CCDC148: variants seen among roughly 807,000 people sequenced by gnomAD.
CCDC148 encodes the protein coiled-coil domain containing 148.
CCDC148 carries 89 observed loss-of-function variants against 85.7 expected under a neutral mutation model. That is an observed-to-expected ratio of 1.04 (90% CI 0.87 to 1.24). CCDC148 has a LOEUF of 1.24. Ranked by LOEUF, CCDC148 falls within the 50% of genes most tolerant of loss-of-function variation. CCDC148 has a pLI of 0.00. For synonymous variants in CCDC148, 230 were observed against 213.9 expected (o/e 1.08, Z -0.66); for missense variants, 692 against 671.7 (o/e 1.03, Z -0.33).
intron 7 of CCDC148, among the ~76,000 whole-genome samples, chr2:158,322,216 G>C (rs1426103961): frequency 1.3e-5 from 2 of 152,056 alleles, no homozygotes; most frequent in African/African-American, 4.8e-5. Context: ...TCTATTCCAA[G>C]TTTTTAAAAC....
chr2:158,219,118 T>G (rs1687039253), intron 11 of CCDC148, among the ~76,000 whole-genome samples: 1 of 152,196 alleles, frequency 6.6e-6, no homozygotes, highest in African/African-American at 2.4e-5. Context: ...CAAAATAGGC[T>G]TTATTTATTA....
intron 9 of CCDC148, among the ~76,000 whole-genome samples, chr2:158,262,977 C>A (rs964784497): frequency 3.9e-5 from 6 of 152,062 alleles, no homozygotes; most frequent in African/African-American, 1.4e-4. Context: ...CATGTCACTA[C>A]GTGATTACGT....
At chr2:158,308,920 A>G (rs1691828305) in intron 9 of CCDC148, among the ~76,000 whole-genome samples, 2 of 152,178 alleles carry the variant, frequency 1.3e-5, no homozygotes, top group Non-Finnish European at 2.9e-5. Flanking sequence ...CAGCCCCGCT[A>G]GATATTTCTG....
intron 1 of CCDC148, among the ~76,000 whole-genome samples, chr2:158,398,089 T>C (rs1398605211): frequency 6.6e-6 from 1 of 152,102 alleles, no homozygotes; most frequent in East Asian, 1.9e-4. Context: ...ATCCTAAATA[T>C]ATATACACCC....
chr2:158,239,424 A>T (rs1201291715), intron 10 of CCDC148, among the ~76,000 whole-genome samples: 1 of 151,708 alleles, frequency 6.6e-6, no homozygotes, highest in Non-Finnish European at 1.5e-5. Flanking sequence ...TTATTTTTAC[A>T]AGACAGCTGA....
At chr2:158,364,471 A>AAACAG (rs1684112296) in intron 1 of CCDC148, among the ~76,000 whole-genome samples, 1 of 151,966 alleles carries the variant, frequency 6.6e-6, no homozygotes, top group Non-Finnish European at 1.5e-5. Flanking sequence ...ATATACAGAC[A>AAACAG]AACAGAACAG....
chr2:158,429,653 T>C (rs1687248778), intron 1 of CCDC148, among the ~76,000 whole-genome samples: 3 of 152,172 alleles, frequency 2.0e-5, no homozygotes, highest in South Asian at 4.1e-4. Context: ...AAGGTAGTAA[T>C]AATAAAATTA....
At chr2:158,344,719 G>A (rs1423678466) in intron 3 of CCDC148, among the ~76,000 whole-genome samples, 1 of 152,048 alleles carries the variant, frequency 6.6e-6, no homozygotes, top group Non-Finnish European at 1.5e-5. Flanking sequence ...AATTGAGTAA[G>A]TTAGTCATGA....
chr2:158,243,833 A>G (rs1050667978), intron 10 of CCDC148, among the ~76,000 whole-genome samples: 6 of 151,580 alleles, frequency 4.0e-5, no homozygotes, highest in African/African-American at 9.7e-5. Context: ...TCTTCCTTCT[A>G]TTTATCTCTT....
chr2:158,328,584 G>A (rs186430151), intron 7 of CCDC148, among the ~76,000 whole-genome samples: 8,859 of 152,060 alleles, frequency 0.058, 359 homozygotes, highest in Non-Finnish European at 0.081. Flanking sequence ...CTGAGGAATC[G>A]CCACACTGAC....
intron 11 of CCDC148, among the ~76,000 whole-genome samples, chr2:158,194,350 T>C (rs981858241): frequency 5.9e-5 from 9 of 152,168 alleles, no homozygotes; most frequent in African/African-American, 2.2e-4. Flanking sequence ...AGTTGGGCCA[T>C]GAATTTGCCT....
At chr2:158,431,770 C>T (rs1000450423) in intron 1 of CCDC148, among the ~76,000 whole-genome samples, 1 of 151,984 alleles carries the variant, frequency 6.6e-6, no homozygotes, top group Non-Finnish European at 1.5e-5. Context: ...GAAACACTTC[C>T]TACTAAAAAT....
intron 2 of CCDC148, among the ~76,000 whole-genome samples, chr2:158,347,036 T>A (rs1324992508): frequency 6.6e-6 from 1 of 152,182 alleles, no homozygotes; most frequent in South Asian, 2.1e-4. Context: ...CAGAAAAACA[T>A]TCAGCAGTCT....
In CCDC148 at chr2:158,220,454, T is replaced by C. The variant is rs561605122; in HGVS notation, c.1370+141A>G. On this transcript the variant is annotated intron_variant, in intron 11 of 13. Coordinates refer to ENST00000283233, the MANE Select transcript of CCDC148 (RefSeq NM_138803.4). ...AATTTAAAATGCATCATAGATATCA[T>C]TGTATTCATTTGTGAATATAAATAT... is the stretch of plus-strand genomic sequence containing the variant. 6.2e-5 allele frequency: 38 copies of C among 613,306 alleles called. No homozygotes were observed. The East Asian group carries it at 8.4e-4, about 14-fold the overall frequency. The allele number at this position is 613,306 out of a possible 1,614,324, so 38.0% of individuals were successfully genotyped here.
chr2:158,270,961 C>T (rs1026560443), intron 9 of CCDC148, among the ~76,000 whole-genome samples: 4 of 152,114 alleles, frequency 2.6e-5, no homozygotes. Context: ...TGGAAAATAG[C>T]TCCTGAGACA....
chr2:158,274,511 T>C (rs182634138), intron 9 of CCDC148, among the ~76,000 whole-genome samples: 24 of 152,346 alleles, frequency 1.6e-4, no homozygotes, highest in Non-Finnish European at 3.1e-4. Flanking sequence ...AAAATATATA[T>C]TATTTTATGC....
intron 7 of CCDC148, among the ~76,000 whole-genome samples, chr2:158,324,207 G>T (rs963684397): frequency 3.3e-5 from 5 of 151,988 alleles, no homozygotes; most frequent in African/African-American, 1.2e-4. Flanking sequence ...ATGAGCCACT[G>T]CACCTGGCCC....
chr2:158,285,185 G>A (rs1690558817), intron 9 of CCDC148, among the ~76,000 whole-genome samples: 1 of 151,456 alleles, frequency 6.6e-6, no homozygotes, highest in South Asian at 2.1e-4. Flanking sequence ...CAACTCAGGA[G>A]ACTGAGGCAG....
chr2:158,327,345 A>C (rs189664842), intron 7 of CCDC148, among the ~76,000 whole-genome samples: 1 of 152,188 alleles, frequency 6.6e-6, no homozygotes, highest in Admixed American at 6.5e-5. Context: ...AACTATTCAA[A>C]CTCTTTAAGC....
Sources: allele counts gnomAD v4.1 joint callset (sites outside exome capture counted in the v4.1 genomes callset), GRCh38; gene constraint gnomAD v4.1.1; transcripts MANE v1.5; gene names NCBI Gene and HGNC (gene_info 2026-07-23, HGNC 2026-07-21).